The following CDH20 variants were observed in gnomAD, a reference collection of about 807,000 sequenced individuals.
The protein encoded by CDH20 is cadherin 20, also known as cadherin-20.
Under a neutral mutation model 74.2 loss-of-function variants are expected in CDH20, and 29 were observed. The observed-to-expected ratio is 0.39, with a 90% CI of 0.29 to 0.53. The LOEUF (loss-of-function observed/expected upper bound fraction) is 0.53. CDH20 is among the 20% of genes least tolerant of loss of function. The pLI, the probability that CDH20 is intolerant of heterozygous loss-of-function variation, is 0.69. For synonymous variants in CDH20, 469 were observed against 405.4 expected (o/e 1.16, Z -1.88); for missense variants, 988 against 1,048.3 (o/e 0.94, Z 0.79).
intron 1 of CDH20, chr18:61,334,211 G>C (rs1909671221): frequency 6.6e-6 from 1 of 152,114 alleles, no homozygotes; most frequent in Non-Finnish European, 1.5e-5. Flanking sequence ...CGCTGGCCCC[G>C]CAGGCGGTGG....
At chr18:61,532,054 A>G (rs1416934977) in intron 7 of CDH20, among the ~76,000 whole-genome samples, 1 of 152,218 alleles carries the variant, frequency 6.6e-6, no homozygotes, top group African/African-American at 2.4e-5. Context: ...CTTATAGACT[A>G]TGTGTCAATA....
chr18:61,372,932 T>A (rs1186996798), intron 1 of CDH20, among the ~76,000 whole-genome samples: 1 of 152,156 alleles, frequency 6.6e-6, no homozygotes, highest in African/African-American at 2.4e-5. Context: ...GCCTATGCTA[T>A]GAACGACCTC....
chr18:61,395,929 C>T (rs753646764), intron 1 of CDH20, among the ~76,000 whole-genome samples: 26 of 152,062 alleles, frequency 1.7e-4, no homozygotes, highest in Admixed American at 3.9e-4. Flanking sequence ...GCTACTTTTT[C>T]GATAGTGTTA....
At chr18:61,426,911 C>T (rs1913090059) in intron 1 of CDH20, among the ~76,000 whole-genome samples, 1 of 152,074 alleles carries the variant, frequency 6.6e-6, no homozygotes. Flanking sequence ...AACGAGGGAG[C>T]GTAGTCATTG....
At chr18:61,340,864 T>C (rs958913418) in intron 1 of CDH20, among the ~76,000 whole-genome samples, 2 of 152,260 alleles carry the variant, frequency 1.3e-5, no homozygotes, top group African/African-American at 2.4e-5. Flanking sequence ...AGAAGTAATC[T>C]TATCTATATT....
intron 1 of CDH20, among the ~76,000 whole-genome samples, chr18:61,404,657 A>G (rs1162340263): frequency 2.0e-5 from 3 of 152,232 alleles, no homozygotes; most frequent in Admixed American, 1.3e-4. Flanking sequence ...ATAAAATCAT[A>G]TGTATAACTA....
chr18:61,429,238 A>G (rs930248083), intron 1 of CDH20, among the ~76,000 whole-genome samples: 2 of 152,310 alleles, frequency 1.3e-5, no homozygotes, highest in Admixed American at 6.5e-5. Context: ...GTGCTAATTC[A>G]CATGTCTTTA....
intron 2 of CDH20, among the ~76,000 whole-genome samples, chr18:61,493,917 T>C (rs1241072305): frequency 1.3e-5 from 2 of 152,114 alleles, no homozygotes; most frequent in Admixed American, 6.5e-5. Context: ...TCACCAACTT[T>C]GTCTACACCT....
intron 1 of CDH20, among the ~76,000 whole-genome samples, chr18:61,460,486 G>A (rs1909728327): frequency 6.6e-6 from 1 of 152,178 alleles, no homozygotes; most frequent in Non-Finnish European, 1.5e-5. Flanking sequence ...GCCTTATGCA[G>A]GGCAGGGAGG....
At chr18:61,517,430 G>A (rs1912036875) in intron 6 of CDH20, among the ~76,000 whole-genome samples, 1 of 152,152 alleles carries the variant, frequency 6.6e-6, no homozygotes, top group Non-Finnish European at 1.5e-5. Context: ...GTGCAGCCCA[G>A]GGAGGGCAAG....
rs1417083115 is a variant in CDH20, at chr18:61,444,664, T to C, written c.-152-45738T>C. Among the ~76,000 whole-genome samples, 7 of 152,162 alleles carry C rather than the reference T, an allele frequency of 4.6e-5. No homozygotes were observed. The East Asian group carries it at 7.7e-4, about 17-fold the overall frequency. ...GGTGCAAGTCCTGTGCAAGTCTACATGGGTGGCTGATGTTAGAGGACACAG... is the reference window on the plus strand; with the variant it reads ...GGTGCAAGTCCTGTGCAAGTCTACACGGGTGGCTGATGTTAGAGGACACAG... On this transcript the variant is annotated intron_variant, in intron 1 of 11. Coordinates refer to ENST00000262717, the MANE Select transcript of CDH20 (RefSeq NM_031891.4).
chr18:61,334,447 T>A (rs757347909), intron 1 of CDH20: 3 of 152,314 alleles, frequency 2.0e-5, no homozygotes, highest in Non-Finnish European at 4.4e-5. Flanking sequence ...ACTCCCCGGA[T>A]TTCCTGTCCT....
At chr18:61,417,791 A>T (rs1912739207) in intron 1 of CDH20, among the ~76,000 whole-genome samples, 1 of 152,094 alleles carries the variant, frequency 6.6e-6, no homozygotes, top group Non-Finnish European at 1.5e-5. Flanking sequence ...GTATTTTTCC[A>T]AATAACTAAG....
chr18:61,388,963 A>G lies in CDH20; in HGVS notation c.-153+55136A>G, dbSNP rs541794497. On this transcript the variant is annotated intron_variant, in intron 1 of 11. Coordinates refer to ENST00000262717, the MANE Select transcript of CDH20 (RefSeq NM_031891.4). ...CGATTAAAATCACATCAGGTAGCAC[A>G]TGCCATCGTTTATGCAATTCTTAAA... Among the ~76,000 whole-genome samples, 31 of 152,324 alleles carry G rather than the reference A, an allele frequency of 2.0e-4. No individual in the cohort carries two copies. The South Asian group carries it at 6.4e-3, about 32-fold the overall frequency.
intron 1 of CDH20, among the ~76,000 whole-genome samples, chr18:61,476,893 T>A (rs1006859296): frequency 2.6e-5 from 4 of 152,074 alleles, no homozygotes; most frequent in Non-Finnish European, 4.4e-5. Context: ...CCAAGAAAAA[T>A]TAAAATGTAA....
chr18:61,397,694 C>G (rs1191660951), intron 1 of CDH20, among the ~76,000 whole-genome samples: 1 of 152,154 alleles, frequency 6.6e-6, no homozygotes, highest in East Asian at 1.9e-4. Context: ...AACTTTGAAG[C>G]CAGCCTGCCT....
chr18:61,394,569 A>G (rs745922566), intron 1 of CDH20, among the ~76,000 whole-genome samples: 1 of 152,138 alleles, frequency 6.6e-6, no homozygotes, highest in East Asian at 1.9e-4. Flanking sequence ...CCTCAGAAGG[A>G]ACCAACCCTG....
intron 6 of CDH20, among the ~76,000 whole-genome samples, chr18:61,515,022 C>T (rs1156364733): frequency 2.6e-5 from 4 of 152,042 alleles, no homozygotes; most frequent in South Asian, 2.1e-4. Flanking sequence ...CTGTGGTGGG[C>T]TCCACCCAGT....
At chr18:61,506,049 C>T (rs543932915) in intron 5 of CDH20, among the ~76,000 whole-genome samples, 2 of 152,280 alleles carry the variant, frequency 1.3e-5, no homozygotes, top group African/African-American at 2.4e-5. Flanking sequence ...GATACACCTA[C>T]TATTTTACAT....
Sources: allele counts gnomAD v4.1 joint callset (sites outside exome capture counted in the v4.1 genomes callset), GRCh38; gene constraint gnomAD v4.1.1; transcripts MANE v1.5; gene names NCBI Gene and HGNC (gene_info 2026-07-23, HGNC 2026-07-21).